The following SYNJ2BP variants were observed in gnomAD, a reference collection of about 807,000 sequenced individuals.
The protein encoded by SYNJ2BP is synaptojanin-2-binding protein.
A neutral mutation model predicts 16.9 loss-of-function variants in SYNJ2BP; 10 were observed. The observed-to-expected ratio is 0.59, with a 90% CI of 0.36 to 1.00. The LOEUF (loss-of-function observed/expected upper bound fraction) is 1.00. Among genes scored for constraint, SYNJ2BP ranks in the 50% least tolerant of loss-of-function variants. SYNJ2BP has a pLI of 0.01. For synonymous variants in SYNJ2BP, 54 were observed against 68.4 expected (o/e 0.79, Z 1.04); for missense variants, 162 against 186.7 (o/e 0.87, Z 0.77).
At position 70,371,052 on chromosome 14, in the gene SYNJ2BP, G is replaced by A. The variant is rs1160899372; in HGVS notation, c.*1939C>T. The A allele has an allele frequency of 6.6e-6, 1 of 152,158 alleles. No individual in the cohort carries two copies. The highest frequency in any genetic ancestry group is 2.4e-5 in the African/African-American group (1 of 41,440). 9.4% of individuals were successfully genotyped at this position (152,158 alleles called of 1,614,324 possible). The stretch of plus-strand genomic sequence containing the variant: ...TTTAATTACCAGACTGTCCAAGCTA[G>A]AAATGAAATACAGTTGATTGCCTGA... On this transcript the variant is annotated 3_prime_UTR_variant, in exon 4 of 4. Transcript: ENST00000256366.
At position 70,366,778 on chromosome 14, in the gene SYNJ2BP, T is replaced by C. The variant is rs1394325561; in HGVS notation, c.*6213A>G. 2 of 152,138 alleles carry C rather than the reference T, an allele frequency of 1.3e-5. No homozygotes were observed. The highest frequency in any genetic ancestry group is 2.4e-5 in the African/African-American group (1 of 41,406). The allele number at this position is 152,138 out of a possible 1,614,324, so 9.4% of individuals were successfully genotyped here. ...TACATCCAGGTATGCAATGTGACAT[T>C]AGAATTGAAGCAGAAAGGAAGCAAA... On this transcript the variant is annotated 3_prime_UTR_variant, in exon 4 of 4. Coordinates refer to ENST00000256366, the MANE Select transcript of SYNJ2BP (RefSeq NM_018373.3).
At chr14:70,380,862 G>T (rs971214545) in intron 2 of SYNJ2BP, among the ~76,000 whole-genome samples, 1 of 151,932 alleles carries the variant, frequency 6.6e-6, no homozygotes, top group African/African-American at 2.4e-5. Context: ...TGAATACTAT[G>T]CAACTATATA....
At chr14:70,391,596 C>T (rs551300973) in intron 1 of SYNJ2BP, among the ~76,000 whole-genome samples, 3 of 152,218 alleles carry the variant, frequency 2.0e-5, no homozygotes, top group Non-Finnish European at 4.4e-5. Context: ...TGAAATCCAA[C>T]ACCCTCATCA....
chr14:70,372,963 T>C lies in SYNJ2BP; in HGVS notation c.*28A>G, dbSNP rs765442650. On this transcript the variant is annotated 3_prime_UTR_variant, in exon 4 of 4. Transcript: ENST00000256366. ...GGAGGGTGAGTGAAATGTATCTTCA[T>C]TGGGAGTATTGAAAGAGAGCAAGTT... The C allele has an allele frequency of 8.1e-5, 130 of 1,612,864 alleles. No individual in the cohort carries two copies. In the South Asian group the frequency reaches 8.7e-4, roughly 11 times the overall value.
chr14:70,386,127 T>C (rs1887854145), intron 2 of SYNJ2BP, among the ~76,000 whole-genome samples: 1 of 152,180 alleles, frequency 6.6e-6, no homozygotes, highest in East Asian at 1.9e-4. Context: ...CTGAGGATAA[T>C]GTAATTTATG....
chr14:70,400,012 A>G (rs1396596220), intron 1 of SYNJ2BP, among the ~76,000 whole-genome samples: 1 of 152,228 alleles, frequency 6.6e-6, no homozygotes, highest in African/African-American at 2.4e-5. Context: ...AAAAGAGAAA[A>G]GTTTCCTTGA....
rs1302788965 is a variant in SYNJ2BP, at chr14:70,367,821, C to A, written c.*5170G>T. 6.6e-6 allele frequency: 1 copy of A among 152,114 alleles called. No individual in the cohort carries two copies. Among genetic ancestry groups the A allele is most frequent in the African/African-American group, 2.4e-5 (1 of 41,404 alleles). 9.4% of individuals were successfully genotyped at this position (152,114 alleles called of 1,614,324 possible). On this transcript the variant is annotated 3_prime_UTR_variant, in exon 4 of 4. Transcript: ENST00000256366. Reference sequence around the variant, plus strand: ...AGGTGATGTTAAAAAAATACTTTAACATCAAAATCACCTACAAATATTCCT... The same window carrying A: ...AGGTGATGTTAAAAAAATACTTTAAAATCAAAATCACCTACAAATATTCCT...
rs776693856 is a variant in SYNJ2BP at position 70,371,429 on chromosome 14, T to C, written c.*1562A>G. The stretch of plus-strand genomic sequence containing the variant: ...ACTAGCAATCCATGCCTTTCTTTTT[T>C]TGAGATGGAGTCTTGCTCTGTAGCC... On this transcript the variant is annotated 3_prime_UTR_variant, in exon 4 of 4. Transcript: ENST00000256366. 6.6e-6 allele frequency: 1 copy of C among 152,404 alleles called. No individual in the cohort carries two copies. Among genetic ancestry groups the C allele is most frequent in the South Asian group, 2.1e-4 (1 of 4,836 alleles). The allele number at this position is 152,404 out of a possible 1,614,324, so 9.4% of individuals were successfully genotyped here.
chr14:70,407,129 T>TTA (rs113176339), intron 1 of SYNJ2BP, among the ~76,000 whole-genome samples: 7 of 151,928 alleles, frequency 4.6e-5, no homozygotes, highest in South Asian at 4.1e-4. Flanking sequence ...GTTTTTGCTA[T>TTA]AAAAAATGGC....
chr14:70,415,580 GAAAGA>G (rs1384309193), intron 1 of SYNJ2BP, among the ~76,000 whole-genome samples: 3 of 150,992 alleles, frequency 2.0e-5, no homozygotes, highest in Admixed American at 6.6e-5. Context: ...GAAAAAGAAA[GAAAGA>G]AAAGAAAAGA....
chr14:70,397,110 T>A (rs1308918512), intron 1 of SYNJ2BP, among the ~76,000 whole-genome samples: 1 of 152,220 alleles, frequency 6.6e-6, no homozygotes, highest in Non-Finnish European at 1.5e-5. Flanking sequence ...TGGTTTTAGC[T>A]CTTACATTTA....
chr14:70,374,800 T>C (rs1241194617), intron 3 of SYNJ2BP, among the ~76,000 whole-genome samples: 2 of 152,186 alleles, frequency 1.3e-5, no homozygotes, highest in African/African-American at 4.8e-5. Flanking sequence ...TTTTATCCAA[T>C]GGTTTTATAA....
At chr14:70,400,936 A>G (rs1351806152) in intron 1 of SYNJ2BP, among the ~76,000 whole-genome samples, 1 of 152,262 alleles carries the variant, frequency 6.6e-6, no homozygotes, top group Non-Finnish European at 1.5e-5. Context: ...AGAATTTTCA[A>G]AAGCCAAAGA....
chr14:70,384,049 C>G (rs1350304525), intron 2 of SYNJ2BP, among the ~76,000 whole-genome samples: 1 of 151,868 alleles, frequency 6.6e-6, no homozygotes, highest in African/African-American at 2.4e-5. Context: ...GCTCTGCCTC[C>G]CGGGTTCACG....
At chr14:70,411,233 T>C (rs1888466114) in intron 1 of SYNJ2BP, among the ~76,000 whole-genome samples, 1 of 152,202 alleles carries the variant, frequency 6.6e-6, no homozygotes, top group South Asian at 2.1e-4. Context: ...GAAATGGGGA[T>C]AATAACCATT....
intron 3 of SYNJ2BP, among the ~76,000 whole-genome samples, chr14:70,375,400 A>G (rs1040338109): frequency 4.6e-5 from 7 of 151,650 alleles, no homozygotes; most frequent in African/African-American, 1.7e-4. Context: ...AGGTTTTGCT[A>G]TGTTGGCCAG....
intron 1 of SYNJ2BP, among the ~76,000 whole-genome samples, chr14:70,402,865 T>C (rs983523894): frequency 6.6e-6 from 1 of 152,262 alleles, no homozygotes; most frequent in Non-Finnish European, 1.5e-5. Flanking sequence ...TGAAACTCTA[T>C]GTAAAATAAA....
chr14:70,398,532 A>G (rs538132525), intron 1 of SYNJ2BP, among the ~76,000 whole-genome samples: 2 of 152,284 alleles, frequency 1.3e-5, no homozygotes, highest in South Asian at 4.1e-4. Context: ...GTGTGTACAC[A>G]CTGGGCCGGG....
chr14:70,369,809 G>A lies in SYNJ2BP; in HGVS notation c.*3182C>T, dbSNP rs1247401965. The A allele has an allele frequency of 6.6e-6, 1 of 152,176 alleles. No homozygotes were observed. Among genetic ancestry groups the A allele is most frequent in the Non-Finnish European group, 1.5e-5 (1 of 68,034 alleles). The allele number at this position is 152,176 out of a possible 1,614,324, so 9.4% of individuals were successfully genotyped here. ...CAAACAATATCTTATAATTATACATGTAATACAGAATGATAGAGAAATGTT... is the reference window on the plus strand; with the variant it reads ...CAAACAATATCTTATAATTATACATATAATACAGAATGATAGAGAAATGTT... On this transcript the variant is annotated 3_prime_UTR_variant, in exon 4 of 4. Coordinates refer to ENST00000256366, the MANE Select transcript of SYNJ2BP (RefSeq NM_018373.3).
Sources: gnomAD v4.1 joint callset for allele counts (sites outside exome capture counted in the v4.1 genomes callset) on GRCh38, gnomAD v4.1.1 for gene constraint, MANE v1.5 for transcripts, NCBI Gene and HGNC (gene_info 2026-07-23, HGNC 2026-07-21) for gene names.